The following KHDC4 variants were observed in gnomAD, a reference collection of about 807,000 sequenced individuals.
KHDC4 encodes KH domain containing 4, pre-mRNA splicing factor, also known as KH homology domain-containing protein 4.
Under a neutral mutation model 74.5 loss-of-function variants are expected in KHDC4, and 19 were observed. The ratio of observed to expected loss-of-function variants is 0.26; its 90% CI spans 0.18 to 0.37. The LOEUF is 0.37. KHDC4 is among the 10% of genes least tolerant of loss of function. The pLI, the probability that KHDC4 is intolerant of heterozygous loss-of-function variation, is 1.00. For synonymous variants in KHDC4, 253 were observed against 266.1 expected (o/e 0.95, Z 0.48); for missense variants, 632 against 754.1 (o/e 0.84, Z 1.90).
chr1:155,933,795 T>C lies in KHDC4; in HGVS notation c.93A>G (p.Pro31=), dbSNP rs1367972687. 1.9e-6 allele frequency: 3 copies of C among 1,594,336 alleles called. No individual in the cohort carries two copies. The highest frequency in any genetic ancestry group is 2.3e-5 in the East Asian group (1 of 44,356). ...TGGTGACCTCCCCACCTGGGGCCGCTGGCGGGAGGAAGAGAAGTGGGGCTG... is the reference window on the plus strand; with the variant it reads ...TGGTGACCTCCCCACCTGGGGCCGCCGGCGGGAGGAAGAGAAGTGGGGCTG... ...PAPAPLLFLP[P]AAPGGEVTSS... is the part of the protein sequence containing the mutation. Residue 31 remains proline (P), a synonymous_variant, in exon 2 of 14, where the codon CCA becomes CCG. Coordinates refer to ENST00000368321, the MANE Select transcript of KHDC4 (RefSeq NM_014949.4).
At position 155,921,882 on chromosome 1, in the gene KHDC4, T is replaced by G. The variant is rs372150424; in HGVS notation, c.991A>C (p.Asn331His). ...ACACCTGGTAAAGGTACAGCAGTATTAATCTGATTCACAAATCTAGAGTAT... is the reference window on the plus strand; with the variant it reads ...ACACCTGGTAAAGGTACAGCAGTATGAATCTGATTCACAAATCTAGAGTAT... ...AEYSRFVNQI[N>H]TAVPLPGYTQ... Residue 331 changes from asparagine (N) to histidine (H), a missense_variant, in exon 9 of 14, where the codon AAT becomes CAT. Physicochemically the swap from Asn to His is moderately conservative, Grantham distance 68 (BLOSUM62 1). Coordinates refer to ENST00000368321, the MANE Select transcript of KHDC4 (RefSeq NM_014949.4). The G allele has an allele frequency of 6.2e-7, 1 of 1,608,408 alleles. No homozygotes were observed. Among genetic ancestry groups the G allele is most frequent in the African/African-American group, 1.3e-5 (1 of 74,666 alleles).
In KHDC4 at chr1:155,925,675, C is replaced by A. The variant is rs1427405391; in HGVS notation, c.850G>T (p.Ala284Ser). The A allele has an allele frequency of 6.2e-7, 1 of 1,614,082 alleles. No individual in the cohort carries two copies. The highest frequency in any genetic ancestry group is 8.5e-7 in the Non-Finnish European group (1 of 1,180,050). The part of the protein sequence containing the change: ...RGKGSGCIEP[A>S]SGREAFEPMY... ...GGTTCAAAAGCTTCTCGGCCAGATG[C>A]TGGCTCAATGCAGCCTGAACCTTTG... Residue 284 changes from alanine to serine, a missense_variant, in exon 7 of 14, where the codon GCA becomes TCA. Transcript: ENST00000368321.
In KHDC4 at chr1:155,927,097, T is replaced by C. The variant is rs1007870728; in HGVS notation, c.517+7A>G. 6.2e-7 allele frequency: 1 copy of C among 1,613,490 alleles called. No individual in the cohort carries two copies. Among genetic ancestry groups the C allele is most frequent in the Non-Finnish European group, 8.5e-7 (1 of 1,179,430 alleles). ...AAAGTGCTACGTGAGCCAAAAACAT[T>C]ACTTACTGTCCACTAATTCCCGTGT... On this transcript the variant is annotated splice_region_variant and intron_variant, in intron 5 of 13. Transcript: ENST00000368321.
Position 155,921,562 on chromosome 1 carries a change from T to C in KHDC4, c.1079A>G (p.Tyr360Cys). ...PQPPYYPSNGYQSGYPVVPPP... is the reference protein window; with the variant it reads ...PQPPYYPSNGCQSGYPVVPPP... Reference sequence around the variant, plus strand: ...GGGAACAACAGGGTAACCAGACTGATAGCCATTGGATGGATAATATGGTGG... The same window carrying C: ...GGGAACAACAGGGTAACCAGACTGACAGCCATTGGATGGATAATATGGTGG... Residue 360 changes from tyrosine to cysteine, a missense_variant, in exon 10 of 14, where the codon TAT becomes TGT. Physicochemically the swap from Tyr to Cys is radical, Grantham distance 194. Transcript: ENST00000368321. 6.2e-7 allele frequency: 1 copy of C among 1,614,054 alleles called. No homozygotes were observed. Among genetic ancestry groups the C allele is most frequent in the Non-Finnish European group, 8.5e-7 (1 of 1,179,986 alleles).
chr1:155,925,298 T>C (rs1405952478), intron 7 of KHDC4, among the ~76,000 whole-genome samples: 1 of 152,126 alleles, frequency 6.6e-6, no homozygotes, highest in Non-Finnish European at 1.5e-5. Flanking sequence ...CCCAAAGTGC[T>C]GGGATTACAG....
intron 6 of KHDC4, among the ~76,000 whole-genome samples, chr1:155,926,238 C>A (rs1332450622): frequency 6.6e-6 from 1 of 151,348 alleles, no homozygotes; most frequent in Non-Finnish European, 1.5e-5. Context: ...CTGGATAACA[C>A]ACAAACAGAA....
In KHDC4 at chr1:155,917,676, G is replaced by A. The variant is rs1231111018; in HGVS notation, c.1267-4C>T. On this transcript the variant is annotated splice_polypyrimidine_tract_variant and splice_region_variant and intron_variant, in intron 10 of 13. Coordinates refer to ENST00000368321, the MANE Select transcript of KHDC4 (RefSeq NM_014949.4). Reference sequence around the variant, plus strand: ...TAAAAGGACCACCCATCGGACTCTGGGACCAAAACAAACCAAGGAAGAAAA... The same window carrying A: ...TAAAAGGACCACCCATCGGACTCTGAGACCAAAACAAACCAAGGAAGAAAA... The A allele has an allele frequency of 6.6e-7, 1 of 1,512,434 alleles. No homozygotes were observed. The highest frequency in any genetic ancestry group is 8.8e-7 in the Non-Finnish European group (1 of 1,135,826). The allele number at this position is 1,512,434 out of a possible 1,614,324, so 93.7% of individuals were successfully genotyped here. A position where few individuals can be genotyped will look rare whatever the true frequency, so the allele number is the denominator to read the frequency against.
intron 4 of KHDC4, among the ~76,000 whole-genome samples, chr1:155,927,451 A>C (rs1674027559): frequency 6.6e-6 from 1 of 152,182 alleles, no homozygotes; most frequent in Non-Finnish European, 1.5e-5. Flanking sequence ...ATTTAAGAAC[A>C]GAATTCCTTT....
Position 155,917,585 on chromosome 1 carries a change from G to C in KHDC4, c.1354C>G (p.Pro452Ala). Residue 452 changes from proline to alanine, a missense_variant, in exon 11 of 14, where the codon CCA (proline) becomes GCA (alanine). Pro to Ala is a conservative substitution (Grantham distance 27). This residue lies in a region of KHDC4 where 254 missense variants were observed against 267.4 expected (regional missense o/e 0.95). Transcript: ENST00000368321. ...TGTGCCTGGGGCTGACTTGGGAGTG[G>C]GGGCTGGGGCTGGGGCTGGGGCTGG... ...GPQPQPQPQP[P>A]LPSQPQAQKR... 1.3e-6 allele frequency: 2 copies of C among 1,585,010 alleles called. No homozygotes were observed. Among genetic ancestry groups the C allele is most frequent in the Non-Finnish European group, 1.7e-6 (2 of 1,164,020 alleles).
chr1:155,928,675 G>A (rs1004858518), intron 4 of KHDC4, among the ~76,000 whole-genome samples: 3 of 151,002 alleles, frequency 2.0e-5, no homozygotes, highest in South Asian at 2.1e-4. Flanking sequence ...ATACAATGCC[G>A]GGCGTGGTGG....
At chr1:155,926,625 T>C (rs529827309) in intron 6 of KHDC4, 51 bp downstream of exon 6, 4 of 1,590,260 alleles carry the variant, frequency 2.5e-6, no homozygotes, top group African/African-American at 1.3e-5. Context: ...CCAGCACATA[T>C]CATTTTTATA....
rs1673874090 is a variant in KHDC4 at position 155,921,972 on chromosome 1, C to G, written c.955-54G>C. 21 of 1,124,162 alleles carry G rather than the reference C, an allele frequency of 1.9e-5. No individual in the cohort carries two copies. In the South Asian group the frequency reaches 2.6e-4, roughly 14 times the overall value. 69.6% of individuals were successfully genotyped at this position (1,124,162 alleles called of 1,614,324 possible). ...TGGGACAGCCGAAGCTGTGCATTTA[C>G]AAGGGTCTGATTACATAATTCTAGG... On this transcript the variant is annotated intron_variant, in intron 8 of 13. Coordinates refer to ENST00000368321, the MANE Select transcript of KHDC4 (RefSeq NM_014949.4).
chr1:155,926,932 T>C (rs1674013628), intron 5 of KHDC4, 93 bp from the exon 6 acceptor site: 1 of 1,444,618 alleles, frequency 6.9e-7, no homozygotes, highest in Non-Finnish European at 9.7e-7. Flanking sequence ...ATCTGCTTTA[T>C]ACGTTACCCA....
rs1673966757 is a variant in KHDC4, at chr1:155,925,360, G to A, written c.893+272C>T. Among the ~76,000 whole-genome samples, 2 of 151,650 alleles carry A rather than the reference G, an allele frequency of 1.3e-5. 1 individual carries two copies. Among genetic ancestry groups the A allele is most frequent in the Non-Finnish European group, 2.9e-5 (2 of 67,926 alleles). ...TTTAAAATTTTTTTGGAGAGATGGG[G>A]TTTTGCTATGTTGCCCAGGCTGGCC... On this transcript the variant is annotated intron_variant, in intron 7 of 13. Transcript: ENST00000368321.
intron 2 of KHDC4, among the ~76,000 whole-genome samples, chr1:155,933,162 C>T (rs921841765): frequency 3.3e-5 from 5 of 152,186 alleles, no homozygotes; most frequent in African/African-American, 1.2e-4. Flanking sequence ...CAATCAAAAA[C>T]GCCTCGTAAA....
In KHDC4 at chr1:155,934,386, T is replaced by C. The variant is rs2275079; in HGVS notation, c.-13A>G. The stretch of plus-strand genomic sequence containing the variant: ...TCCCCGCGGACATGGCGACCGCTTC[T>C]ACTCAACCACCCGCCAACTATCCGA... On this transcript the variant is annotated 5_prime_UTR_variant, in exon 1 of 14. Transcript: ENST00000368321. 0.9 allele frequency: 1,450,751 copies of C among 1,611,188 alleles called. 659,219 individuals are homozygous for C. The highest frequency in any genetic ancestry group is 0.94 in the East Asian group (42,314 of 44,812).
At chr1:155,923,834 A>C in intron 7 of KHDC4, 147 bp from the exon 8 acceptor site, 1 of 605,746 alleles carries the variant, frequency 1.7e-6, no homozygotes, top group Non-Finnish European at 3.0e-6. Flanking sequence ...ACAAAACAGA[A>C]ACACAAAACA....
chr1:155,913,901 T>C lies in KHDC4; in HGVS notation c.*220A>G. 1 of 545,050 alleles carries C rather than the reference T, an allele frequency of 1.8e-6. No homozygotes were observed. The highest frequency in any genetic ancestry group is 3.3e-6 in the Non-Finnish European group (1 of 306,448). The allele number at this position is 545,050 out of a possible 1,614,324, so 33.8% of individuals were successfully genotyped here. The stretch of plus-strand genomic sequence containing the variant: ...ACTGTTAAAAAGCTTCTGAGATAAA[T>C]TTGTGATTCTAATTAAATTTTAACA... On this transcript the variant is annotated 3_prime_UTR_variant, in exon 14 of 14. Coordinates refer to ENST00000368321, the MANE Select transcript of KHDC4 (RefSeq NM_014949.4).
intron 11 of KHDC4, 164 bp from the exon 12 acceptor site, chr1:155,916,901 G>T: frequency 1.8e-6 from 1 of 543,568 alleles, no homozygotes; most frequent in Non-Finnish European, 3.2e-6. Flanking sequence ...TCAAAAGTAG[G>T]GATTTTTTTT....
Sources: gnomAD v4.1 joint callset for allele counts (sites outside exome capture counted in the v4.1 genomes callset) on GRCh38, gnomAD v4.1.1 for gene constraint, gnomAD v4.1.1 regional missense constraint, MANE v1.5 for transcripts, NCBI Gene and HGNC (gene_info 2026-07-23, HGNC 2026-07-21) for gene names.